Variants in MYO16 observed in about 807,000 individuals in gnomAD.
MYO16 encodes the protein unconventional myosin-XVI.
A neutral mutation model predicts 205.3 loss-of-function variants in MYO16; 94 were observed. That is an observed-to-expected ratio of 0.46 (90% CI 0.39 to 0.54). The LOEUF (loss-of-function observed/expected upper bound fraction) is 0.54. Among genes scored for constraint, MYO16 ranks in the 20% least tolerant of loss-of-function variants. The pLI is 0.00. For synonymous variants in MYO16, 988 were observed against 954.0 expected (o/e 1.04, Z -0.66); for missense variants, 2,315 against 2,387.5 (o/e 0.97, Z 0.63).
At chr13:108,897,863 GA>G (rs1880506441) in intron 14 of MYO16, among the ~76,000 whole-genome samples, 152 bp from the exon 15 acceptor site, 2 of 152,012 alleles carry the variant, frequency 1.3e-5, no homozygotes, top group Admixed American at 6.5e-5. Context: ...TGCCTTTGAG[GA>G]AAAAGGGGTC....
the MYO16 span, among the ~76,000 whole-genome samples, chr13:108,564,172 C>CTTTTTTT: frequency 2.4e-5 from 3 of 126,706 alleles, no homozygotes; most frequent in Non-Finnish European, 5.0e-5. Context: ...CTATTGCCTT[C>CTTTTTTT]TTTTTTTTTT....
chr13:108,662,606 C>T (rs768044385), intron 1 of MYO16, among the ~76,000 whole-genome samples: 7 of 152,090 alleles, frequency 4.6e-5, no homozygotes, highest in Non-Finnish European at 8.8e-5. Context: ...AAGGGCTGAT[C>T]TCACTCCCAC....
intron 23 of MYO16, among the ~76,000 whole-genome samples, chr13:109,032,218 G>T (rs1445694474): frequency 6.6e-6 from 1 of 152,094 alleles, no homozygotes; most frequent in Non-Finnish European, 1.5e-5. Context: ...CTTCCCATGT[G>T]TCTCTTGGCA....
intron 19 of MYO16, among the ~76,000 whole-genome samples, chr13:108,963,507 G>C (rs1368267257): frequency 3.3e-5 from 5 of 151,962 alleles, no homozygotes; most frequent in Non-Finnish European, 7.4e-5. Flanking sequence ...TTCTTTCCCT[G>C]CCTTACAGCA....
intron 12 of MYO16, among the ~76,000 whole-genome samples, chr13:108,875,663 C>A (rs1173089138): frequency 2.6e-5 from 4 of 152,122 alleles, no homozygotes; most frequent in African/African-American, 9.7e-5. Context: ...AAGAGAATAT[C>A]TAAGCCCAAA....
rs1465224798 is a variant in MYO16 at position 108,868,151 on chromosome 13, T to C, written c.1425+1909T>C. On this transcript the variant is annotated intron_variant, in intron 12 of 34. Transcript: ENST00000457511. ...AATTTTTTTTTGATAACATATGTAT[T>C]TCTTTTGTTGGAAAGAGTGGAATTG... 3.3e-5 allele frequency among the ~76,000 whole-genome samples: 5 copies of C among 152,236 alleles called. No homozygotes were observed. The East Asian group carries it at 7.7e-4, about 23-fold the overall frequency.
rs1401119676 is a variant in MYO16, at chr13:109,141,516, T to A, written c.5164+140T>A. 25 of 525,092 alleles carry A rather than the reference T, an allele frequency of 4.8e-5. No homozygotes were observed. The highest frequency in any genetic ancestry group is 2.0e-4 in the South Asian group (4 of 19,926). The allele number at this position is 525,092 out of a possible 1,614,324, so 32.5% of individuals were successfully genotyped here. A position where few individuals can be genotyped will look rare whatever the true frequency, so the allele number is the denominator to read the frequency against. ...GGTCGTTCAGAGCAGATATCAGCTT[T>A]AAAAAAAAATCGTATACACCCACTG... On this transcript the variant is annotated intron_variant, in intron 32 of 34. Coordinates refer to ENST00000457511, the MANE Select transcript of MYO16 (RefSeq NM_001198950.3). This position sits in a 1 kb window ranked among gnomAD's most constrained non-coding sequence, Gnocchi z 4.1.
At chr13:109,035,964 A>G (rs750784797) in intron 23 of MYO16, among the ~76,000 whole-genome samples, 2 of 152,260 alleles carry the variant, frequency 1.3e-5, no homozygotes, top group Non-Finnish European at 2.9e-5. Flanking sequence ...ATTAAACACC[A>G]GAGGACATTC....
chr13:109,045,536 T>G (rs958027368), intron 23 of MYO16, among the ~76,000 whole-genome samples: 1 of 152,228 alleles, frequency 6.6e-6, no homozygotes, highest in African/African-American at 2.4e-5. Flanking sequence ...TTTAAGATTT[T>G]GGCATTGTCC....
intron 1 of MYO16, among the ~76,000 whole-genome samples, chr13:108,631,397 T>G (rs527305125): frequency 3.3e-5 from 5 of 152,220 alleles, no homozygotes; most frequent in Non-Finnish European, 7.3e-5. Flanking sequence ...CCTTTTGTTC[T>G]GTTTTAGTTG....
intron 6 of MYO16, among the ~76,000 whole-genome samples, chr13:108,806,067 C>T (rs1887104420): frequency 6.6e-6 from 1 of 151,990 alleles, no homozygotes; most frequent in Non-Finnish European, 1.5e-5. Context: ...GACATGATTC[C>T]ACCACTGCAC....
rs376159061 is a variant in MYO16, at chr13:108,677,616, T to G, written c.292+11467T>G. Among the ~76,000 whole-genome samples, 275 of 152,004 alleles carry G rather than the reference T, an allele frequency of 1.8e-3. 4 individuals carry two copies. The highest frequency in any genetic ancestry group is 2.0e-3 in the Non-Finnish European group (134 of 67,962). On this transcript the variant is annotated intron_variant, in intron 2 of 34. Coordinates refer to ENST00000457511, the MANE Select transcript of MYO16 (RefSeq NM_001198950.3). ...GAATAATGGGTTCTGCTCTTTATAA[T>G]TAAAAAATTGTCTCCTGATTTTGTA...
chr13:109,199,237 T>TAC (rs1714445771), intron 34 of MYO16, among the ~76,000 whole-genome samples: 1 of 94,386 alleles, frequency 1.1e-5, no homozygotes, highest in African/African-American at 3.9e-5. Context: ...TATATATATA[T>TAC]ATACCGTCAT....
chr13:108,881,360 A>T (rs1879606120), intron 12 of MYO16, among the ~76,000 whole-genome samples: 1 of 152,212 alleles, frequency 6.6e-6, no homozygotes, highest in Non-Finnish European at 1.5e-5. Flanking sequence ...AAAAGCTGAA[A>T]ATTCTAAAAA....
chr13:108,785,603 A>G (rs1158538284), intron 4 of MYO16, 32 bp from the exon 5 acceptor site: 13 of 1,332,178 alleles, frequency 9.8e-6, no homozygotes, highest in Non-Finnish European at 1.4e-5. Flanking sequence ...TAAACAGTAT[A>G]TATGATGTTA....
chr13:108,613,005 G>A (rs1594143651), intron 1 of MYO16, among the ~76,000 whole-genome samples: 1 of 152,120 alleles, frequency 6.6e-6, no homozygotes, highest in Non-Finnish European at 1.5e-5. Context: ...ATAGTGTTTA[G>A]GGAGTGGAGC....
At chr13:108,924,480 C>T (rs1309223321) in intron 16 of MYO16, among the ~76,000 whole-genome samples, 2 of 152,090 alleles carry the variant, frequency 1.3e-5, no homozygotes, top group South Asian at 2.1e-4. Context: ...TCAGAATGGT[C>T]GATGATGCTT....
At chr13:109,084,418 C>T (rs1345153176) in intron 27 of MYO16, among the ~76,000 whole-genome samples, 1 of 152,010 alleles carries the variant, frequency 6.6e-6, no homozygotes, top group African/African-American at 2.4e-5. Flanking sequence ...GTTACATTGT[C>T]GATACCCTTT....
At chr13:109,022,292 AT>A in intron 23 of MYO16, among the ~76,000 whole-genome samples, 1 of 22,712 alleles carries the variant, frequency 4.4e-5, no homozygotes, top group East Asian at 4.9e-3. Context: ...TACAAATATA[AT>A]ATACAAATAT....
Sources: allele counts gnomAD v4.1 joint callset (sites outside exome capture counted in the v4.1 genomes callset), GRCh38; gene constraint gnomAD v4.1.1; non-coding constraint Gnocchi (gnomAD v3.1); transcripts MANE v1.5; gene names NCBI Gene and HGNC (gene_info 2026-07-23, HGNC 2026-07-21).